Variants in NDC80 observed in about 807,000 individuals in gnomAD.
The protein encoded by NDC80 is kinetochore protein NDC80 homolog.
Under a neutral mutation model 89.3 loss-of-function variants are expected in NDC80, and 69 were observed. The observed-to-expected ratio is 0.77, with a 90% CI of 0.64 to 0.94. The LOEUF is 0.94. Ranked by LOEUF, NDC80 falls within the 40% of genes least tolerant of loss-of-function variation. NDC80 has a pLI of 0.00. For synonymous variants in NDC80, 243 were observed against 255.6 expected (o/e 0.95, Z 0.47); for missense variants, 593 against 739.6 (o/e 0.80, Z 2.30).
intron 2 of NDC80, among the ~76,000 whole-genome samples, chr18:2,573,822 C>CA (rs34895134): frequency 1.3e-5 from 2 of 151,560 alleles, no homozygotes; most frequent in East Asian, 3.9e-4. Flanking sequence ...TTACTTATAC[C>CA]AAAAAAAGTT....
At position 2,601,479 on chromosome 18, in the gene NDC80, A is replaced by G; in HGVS notation, c.1458A>G (p.Leu486=). 7.5e-7 allele frequency: 1 copy of G among 1,331,972 alleles called. No individual in the cohort carries two copies. Among genetic ancestry groups the G allele is most frequent in the Non-Finnish European group, 1.0e-6 (1 of 976,404 alleles). 82.5% of individuals were successfully genotyped at this position (1,331,972 alleles called of 1,614,324 possible). Residue 486 remains leucine (L), a synonymous_variant, in exon 13 of 17, where the codon TTA becomes TTG. Coordinates refer to ENST00000261597, the MANE Select transcript of NDC80 (RefSeq NM_006101.3). ...AAAAAATGGGTTTGGAGGATACTTT[A>G]GAACAAGTAAGTAATAAAACATAAA... ...LNKKMGLEDT[L]EQLNAMITES... is the part of the protein sequence containing the mutation.
At chr18:2,607,134 G>A (rs2072716145) in intron 14 of NDC80, among the ~76,000 whole-genome samples, 1 of 152,082 alleles carries the variant, frequency 6.6e-6, no homozygotes. Flanking sequence ...CTCTTTGCCT[G>A]TGTTATATTT....
At chr18:2,581,438 A>T (rs2072577588) in intron 6 of NDC80, among the ~76,000 whole-genome samples, 1 of 152,206 alleles carries the variant, frequency 6.6e-6, no homozygotes, top group South Asian at 2.1e-4. Context: ...AGGCAGGTAG[A>T]TCACCCGAGA....
intron 13 of NDC80, among the ~76,000 whole-genome samples, chr18:2,603,363 A>ATAGGTG (rs2072694358): frequency 7.9e-6 from 1 of 126,710 alleles, no homozygotes; most frequent in African/African-American, 3.6e-5. Context: ...ATACATATAT[A>ATAGGTG]TATATATATA....
chr18:2,603,893 C>T (rs1043916922), intron 13 of NDC80, among the ~76,000 whole-genome samples: 2 of 152,162 alleles, frequency 1.3e-5, no homozygotes, highest in African/African-American at 4.8e-5. Flanking sequence ...ATTTCTGTGA[C>T]ATGTAAATTA....
Position 2,606,533 on chromosome 18 carries a change from A to T in NDC80, c.1557+26A>T, listed in dbSNP as rs758702203. On this transcript the variant is annotated intron_variant, in intron 14 of 16. Coordinates refer to ENST00000261597, the MANE Select transcript of NDC80 (RefSeq NM_006101.3). The stretch of plus-strand genomic sequence containing the variant: ...GTAAGAACTTTGCCACAGTTTGCGT[A>T]GGTTATCAAAAGCTATGTCATGATT... The T allele has an allele frequency of 7.4e-6, 11 of 1,489,960 alleles. No individual in the cohort carries two copies. In the East Asian group the frequency reaches 2.6e-4, roughly 35 times the overall value. The allele number at this position is 1,489,960 out of a possible 1,614,324, so 92.3% of individuals were successfully genotyped here. A position where few individuals can be genotyped will look rare whatever the true frequency, so the allele number is the denominator to read the frequency against.
intron 3 of NDC80, 144 bp downstream of exon 3, chr18:2,575,210 A>G (rs2072540159): frequency 1.5e-6 from 1 of 654,374 alleles, no homozygotes; most frequent in African/African-American, 1.8e-5. Context: ...AATGGTTAAA[A>G]TTTTAGTTTA....
chr18:2,579,054 GTA>G (rs2072562922), intron 6 of NDC80, 25 bp downstream of exon 6: 1 of 1,375,224 alleles, frequency 7.3e-7, no homozygotes, highest in Non-Finnish European at 9.8e-7. Flanking sequence ...CTTTTGAAAT[GTA>G]TACATGGGAA....
intron 7 of NDC80, 32 bp downstream of exon 7, chr18:2,585,234 A>T (rs2072597828): frequency 6.7e-7 from 1 of 1,487,524 alleles, no homozygotes; most frequent in Admixed American, 1.7e-5. Flanking sequence ...TGTAATAATG[A>T]ATTGCCTTGA....
intron 14 of NDC80, among the ~76,000 whole-genome samples, chr18:2,607,303 G>T (rs2072717103): frequency 1.3e-5 from 2 of 152,032 alleles, no homozygotes. Context: ...TTAAATGAAA[G>T]GTTTTATGAT....
chr18:2,592,358 GTTTTT>G (rs568473370), intron 10 of NDC80, among the ~76,000 whole-genome samples: 2 of 140,646 alleles, frequency 1.4e-5, no homozygotes, highest in African/African-American at 2.6e-5. Flanking sequence ...GTTTTATTTT[GTTTTT>G]TTTTTTTTGA....
intron 1 of NDC80, 32 bp from the exon 2 acceptor site, chr18:2,572,945 G>T: frequency 1.3e-6 from 2 of 1,567,826 alleles, no homozygotes; most frequent in Non-Finnish European, 1.7e-6. Flanking sequence ...TGTCTGGAAA[G>T]TTTTTTTTAA....
chr18:2,608,392 G>A (rs1002129162), intron 14 of NDC80, among the ~76,000 whole-genome samples: 79 of 151,962 alleles, frequency 5.2e-4, no homozygotes, highest in African/African-American at 1.2e-3. Flanking sequence ...TTTTAGTAGA[G>A]ATGGGGTTTC....
At chr18:2,602,129 GTTAA>G (rs1425376032) in intron 13 of NDC80, among the ~76,000 whole-genome samples, 1 of 152,124 alleles carries the variant, frequency 6.6e-6, no homozygotes, top group Non-Finnish European at 1.5e-5. Context: ...GAAACCCCTT[GTTAA>G]TTCAGCTCTT....
intron 6 of NDC80, among the ~76,000 whole-genome samples, chr18:2,584,504 G>A (rs1478452709): frequency 1.3e-5 from 2 of 151,862 alleles, no homozygotes; most frequent in Non-Finnish European, 2.9e-5. Flanking sequence ...GAATTTCTAT[G>A]CCTTAAAAAC....
At position 2,575,037 on chromosome 18, in the gene NDC80, T is replaced by C; in HGVS notation, c.150T>C (p.Ser50=). The change falls in exon 3 of 17, where the codon TCT becomes TCC. Residue 50 remains serine, a synonymous_variant. Transcript: ENST00000261597. ...AGTTGAGTATAAACAAACCGACATC[T>C]GAAAGAAAAGTCTCGCTATTTGGCA... ...FGKLSINKPT[S]ERKVSLFGKR... 1 of 1,612,182 alleles carries C rather than the reference T, an allele frequency of 6.2e-7. No homozygotes were observed. Among genetic ancestry groups the C allele is most frequent in the Admixed American group, 1.7e-5 (1 of 59,856 alleles).
At chr18:2,603,139 G>A (rs889264790) in intron 13 of NDC80, among the ~76,000 whole-genome samples, 3 of 152,004 alleles carry the variant, frequency 2.0e-5, no homozygotes, top group Admixed American at 6.6e-5. Context: ...GTGTAAGAAG[G>A]AGATCAGGGC....
chr18:2,616,479 G>A lies in NDC80; in HGVS notation c.1834G>A (p.Glu612Lys). 6.5e-7 allele frequency: 1 copy of A among 1,540,552 alleles called. No individual in the cohort carries two copies. Among genetic ancestry groups the A allele is most frequent in the Non-Finnish European group, 8.8e-7 (1 of 1,136,432 alleles). The change falls in exon 17 of 17, where the codon GAA (glutamate) becomes AAA (lysine). Residue 612 changes from glutamate to lysine, a missense_variant. Physicochemically the swap from Glu to Lys is moderately conservative, Grantham distance 56. Transcript: ENST00000261597. ...GATTGCTAAAGTTGATAGAGAATAT[G>A]AAGAATGCATGTCAGAAGATCTCTC... ...EQIAKVDREY[E>K]ECMSEDLSEN...
Position 2,616,523 on chromosome 18 carries a change from T to A in NDC80, c.1878T>A (p.Ile626=). ...ATCTCTCGGAAAATATTAAAGAGATTAGAGATAAGTATGAGAAGAAAGCTA... is the reference window on the plus strand; with the variant it reads ...ATCTCTCGGAAAATATTAAAGAGATAAGAGATAAGTATGAGAAGAAAGCTA... ...SEDLSENIKE[I]RDKYEKKATL... Residue 626 remains isoleucine, a synonymous_variant, in exon 17 of 17, where the codon ATT becomes ATA. Transcript: ENST00000261597. The A allele has an allele frequency of 1.3e-6, 2 of 1,491,540 alleles. No homozygotes were observed. Among genetic ancestry groups the A allele is most frequent in the East Asian group, 4.7e-5 (2 of 42,816 alleles). The allele number at this position is 1,491,540 out of a possible 1,614,324, so 92.4% of individuals were successfully genotyped here.
Sources: allele counts gnomAD v4.1 joint callset (sites outside exome capture counted in the v4.1 genomes callset), GRCh38; gene constraint gnomAD v4.1.1; transcripts MANE v1.5; gene names NCBI Gene and HGNC (gene_info 2026-07-23, HGNC 2026-07-21).